UBE4B: variants seen among roughly 807,000 people sequenced by gnomAD.
UBE4B encodes the protein ubiquitination factor E4B, also known as ubiquitin conjugation factor E4 B.
In UBE4B, 27 loss-of-function variants were observed where a neutral mutation model predicts 148.1. That is an observed-to-expected ratio of 0.18 (90% CI 0.13 to 0.25). The LOEUF is 0.25. UBE4B is among the 10% of genes least tolerant of loss of function. UBE4B has a pLI of 1.00. For synonymous variants in UBE4B, 596 were observed against 619.3 expected (o/e 0.96, Z 0.56); for missense variants, 1,170 against 1,662.4 (o/e 0.70, Z 5.15).
intron 14 of UBE4B, among the ~76,000 whole-genome samples, chr1:10,132,163 C>G (rs930641099): frequency 6.6e-6 from 1 of 152,062 alleles, no homozygotes; most frequent in African/African-American, 2.4e-5. Context: ...GCCTACCTCC[C>G]CCACTCCATA....
At chr1:10,104,344 C>T (rs529684128) in intron 5 of UBE4B, among the ~76,000 whole-genome samples, 11 of 152,096 alleles carry the variant, frequency 7.2e-5, no homozygotes, top group Non-Finnish European at 1.2e-4. Flanking sequence ...TCATTTGGAA[C>T]GCAGAAGAGG....
intron 2 of UBE4B, among the ~76,000 whole-genome samples, chr1:10,086,826 A>G (rs1161000834): frequency 6.6e-6 from 1 of 152,034 alleles, no homozygotes. Flanking sequence ...AGTAGCTGGG[A>G]CTATAGGCAT....
rs935242462 is a variant in UBE4B at position 10,179,990 on chromosome 1, C to T, written c.*34C>T. 2.5e-6 allele frequency: 4 copies of T among 1,612,622 alleles called. No individual in the cohort carries two copies. In the African/African-American group the frequency reaches 5.3e-5, roughly 22 times the overall value. ...GCCGCCCACCCTCTGCTAGACACAGCCAAGGCCAACGAGGCAAGCAGAAGC... is the reference window on the plus strand; with the variant it reads ...GCCGCCCACCCTCTGCTAGACACAGTCAAGGCCAACGAGGCAAGCAGAAGC... On this transcript the variant is annotated 3_prime_UTR_variant, in exon 28 of 28. Transcript: ENST00000343090.
chr1:10,125,590 C>T (rs1645480091), intron 10 of UBE4B, among the ~76,000 whole-genome samples: 1 of 152,208 alleles, frequency 6.6e-6, no homozygotes, highest in Non-Finnish European at 1.5e-5. Context: ...TTTCTAGTGG[C>T]TACATAGTAT....
chr1:10,136,088 ATAATT>A (rs1645678006), intron 16 of UBE4B, among the ~76,000 whole-genome samples: 1 of 152,210 alleles, frequency 6.6e-6, no homozygotes, highest in Non-Finnish European at 1.5e-5. Context: ...GTTTATTAAC[ATAATT>A]TAATACCATT....
chr1:10,048,307 A>G (rs1170514206), intron 1 of UBE4B, among the ~76,000 whole-genome samples: 1 of 152,174 alleles, frequency 6.6e-6, no homozygotes. Context: ...ACATATTATG[A>G]ATATGCTGCC....
chr1:10,076,741 CTTTTTTTTTT>C (rs61563451), intron 2 of UBE4B, among the ~76,000 whole-genome samples: 3 of 105,866 alleles, frequency 2.8e-5, no homozygotes, highest in Non-Finnish European at 1.9e-5. Context: ...CAGTCCCAGC[CTTTTTTTTTT>C]TTTTTTTTTT....
At chr1:10,117,363 A>G in intron 7 of UBE4B, 96 bp from the exon 8 acceptor site, 1 of 1,531,522 alleles carries the variant, frequency 6.5e-7, no homozygotes, top group South Asian at 1.2e-5. Context: ...TGTTATGTGT[A>G]CAGGGATCCT....
chr1:10,070,041 G>A (rs1381890746), intron 1 of UBE4B, among the ~76,000 whole-genome samples: 4 of 152,052 alleles, frequency 2.6e-5, no homozygotes, highest in African/African-American at 7.2e-5. Context: ...TTGGGGGGCC[G>A]AGGTGGAAGG....
Position 10,135,088 on chromosome 1 carries a change from C to T in UBE4B, c.2126C>T (p.Thr709Met), listed in dbSNP as rs370876093. Residue 709 changes from threonine (T) to methionine (M), a missense_variant, in exon 16 of 28, where the codon ACG becomes ATG. By Grantham distance (81) the Thr-to-Met change is moderately conservative. Coordinates refer to ENST00000343090, the MANE Select transcript of UBE4B (RefSeq NM_001105562.3). ...TKIKLETVDP[T>M]YIFHPRCRIT... is the part of the protein sequence containing the mutation. ...ATCAAGTTAGAAACAGTTGATCCCA[C>T]GTATATTTTTCACCCAAGATGTCGG... 35 of 1,613,900 alleles carry T rather than the reference C, an allele frequency of 2.2e-5. No individual in the cohort carries two copies. In the Middle Eastern group the frequency reaches 8.2e-4, roughly 38 times the overall value.
intron 7 of UBE4B, among the ~76,000 whole-genome samples, chr1:10,109,960 A>G (rs370623276): frequency 8.5e-5 from 13 of 152,210 alleles, no homozygotes; most frequent in Non-Finnish European, 1.5e-4. Flanking sequence ...CGGCCTCCCA[A>G]ATTGCTGGGA....
chr1:10,068,457 C>G lies in UBE4B; in HGVS notation c.25-3571C>G, dbSNP rs554521825. Among the ~76,000 whole-genome samples, 3 of 150,904 alleles carry G rather than the reference C, an allele frequency of 2.0e-5. No homozygotes were observed. The East Asian group carries it at 5.9e-4, about 30-fold the overall frequency. On this transcript the variant is annotated intron_variant, in intron 1 of 27. Coordinates refer to ENST00000343090, the MANE Select transcript of UBE4B (RefSeq NM_001105562.3). Reference sequence around the variant, plus strand: ...CTCCTCCTCCCGGGTTGAAGTGATTCTCCTGCCGCGGCCTCCTCAGTAGCT... The same window carrying G: ...CTCCTCCTCCCGGGTTGAAGTGATTGTCCTGCCGCGGCCTCCTCAGTAGCT...
intron 1 of UBE4B, among the ~76,000 whole-genome samples, chr1:10,037,605 T>A (rs1252517210): frequency 6.6e-6 from 1 of 152,114 alleles, no homozygotes; most frequent in Non-Finnish European, 1.5e-5. Flanking sequence ...TCGCCCAGTC[T>A]GGAATGCAAT....
chr1:10,037,455 T>A (rs1234882968), intron 1 of UBE4B, among the ~76,000 whole-genome samples: 1 of 152,234 alleles, frequency 6.6e-6, no homozygotes, highest in Non-Finnish European at 1.5e-5. Context: ...CTAAGTTCAT[T>A]CTCTTCAGGA....
chr1:10,125,081 G>A (rs1022376880), intron 10 of UBE4B, among the ~76,000 whole-genome samples: 3 of 152,070 alleles, frequency 2.0e-5, no homozygotes, highest in East Asian at 1.9e-4. Context: ...AGCTGAGATC[G>A]CGCCACTGCA....
chr1:10,088,013 C>T (rs983675930), intron 2 of UBE4B, among the ~76,000 whole-genome samples: 1 of 152,146 alleles, frequency 6.6e-6, no homozygotes, highest in Non-Finnish European at 1.5e-5. Context: ...GGAATTATTC[C>T]AGCTTTGACC....
At chr1:10,141,077 T>G (rs1381078279) in intron 17 of UBE4B, among the ~76,000 whole-genome samples, 1 of 152,206 alleles carries the variant, frequency 6.6e-6, no homozygotes, top group African/African-American at 2.4e-5. Context: ...CTCTTGCTGA[T>G]CAAGCATCCT....
rs114393439 is a variant in UBE4B at position 10,099,389 on chromosome 1, T to C, written c.348-1719T>C. On this transcript the variant is annotated intron_variant, in intron 3 of 27. Coordinates refer to ENST00000343090, the MANE Select transcript of UBE4B (RefSeq NM_001105562.3). ...ATTTTTAAAAAGGTGCCATTCACAATTTCATTAAAAAGTATTAACATATGG... is the reference window on the plus strand; with the variant it reads ...ATTTTTAAAAAGGTGCCATTCACAACTTCATTAAAAAGTATTAACATATGG... 6.6e-3 allele frequency among the ~76,000 whole-genome samples: 1,003 copies of C among 152,298 alleles called. 11 individuals carry two copies. Among genetic ancestry groups the C allele is most frequent in the African/African-American group, 0.023 (936 of 41,562 alleles).
At position 10,097,996 on chromosome 1, in the gene UBE4B, G is replaced by A. The variant is rs1014344691; in HGVS notation, c.347+2400G>A. ...AGCAATTCTCCTGCCTCAGCCTCCCGAGTAGCTGGGATTACAGACATGGGC... is the reference window on the plus strand; with the variant it reads ...AGCAATTCTCCTGCCTCAGCCTCCCAAGTAGCTGGGATTACAGACATGGGC... On this transcript the variant is annotated intron_variant, in intron 3 of 27. Transcript: ENST00000343090. Among the ~76,000 whole-genome samples, 15 of 151,788 alleles carry A rather than the reference G, an allele frequency of 9.9e-5. 1 individual carries two copies. The Middle Eastern group carries it at 0.021, about 208-fold the overall frequency.
Sources: gnomAD v4.1 joint callset for allele counts (sites outside exome capture counted in the v4.1 genomes callset) on GRCh38, gnomAD v4.1.1 for gene constraint, MANE v1.5 for transcripts, NCBI Gene and HGNC (gene_info 2026-07-23, HGNC 2026-07-21) for gene names.